Variants in KCNB2 observed in about 807,000 individuals in gnomAD.
KCNB2 encodes the protein delayed rectifier potassium channel protein.
KCNB2 carries 15 observed loss-of-function variants against 61.5 expected under a neutral mutation model. That is an observed-to-expected ratio of 0.24 (90% CI 0.16 to 0.38). KCNB2 has a LOEUF of 0.38. Among genes scored for constraint, KCNB2 ranks in the 10% least tolerant of loss-of-function variants. The pLI, the probability that KCNB2 is intolerant of heterozygous loss-of-function variation, is 1.00. For synonymous variants in KCNB2, 457 were observed against 446.0 expected, an observed-to-expected ratio of 1.02 and a Z score of -0.31; for missense variants, 828 against 1,125.2, an observed-to-expected ratio of 0.74 and a Z score of 3.78.
chr8:72,597,001 CT>C (rs869160203), intron 2 of KCNB2, among the ~76,000 whole-genome samples: 3 of 64,654 alleles, frequency 4.6e-5, no homozygotes, highest in East Asian at 6.3e-4. Context: ...TGCTTGCTTG[CT>C]TTTTTTTTTT....
In KCNB2 at chr8:72,867,133, A is replaced by G. The variant is rs556581605; in HGVS notation, c.580-68802A>G. ...AATAATTAGCCAATGACTTGGAGAT[A>G]TGGGTCAACTGTCCATCCCTTTATA... is the stretch of plus-strand genomic sequence containing the variant. On this transcript the variant is annotated intron_variant, in intron 2 of 2. Coordinates refer to ENST00000523207, the MANE Select transcript of KCNB2 (RefSeq NM_004770.3). Among the ~76,000 whole-genome samples the G allele has an allele frequency of 1.2e-4, 19 of 152,354 alleles. No individual in the cohort carries two copies. The East Asian group carries it at 3.7e-3, about 29-fold the overall frequency.
intron 2 of KCNB2, among the ~76,000 whole-genome samples, chr8:72,848,562 C>G (rs538591277): frequency 6.6e-6 from 1 of 152,192 alleles, no homozygotes; most frequent in African/African-American, 2.4e-5. Flanking sequence ...ACTCTCAATT[C>G]TGTTACTTTT....
At chr8:72,765,987 T>C (rs1808455946) in intron 2 of KCNB2, among the ~76,000 whole-genome samples, 1 of 152,240 alleles carries the variant, frequency 6.6e-6, no homozygotes, top group Non-Finnish European at 1.5e-5. Flanking sequence ...TATTTTTCTC[T>C]TTCATTCTTA....
intron 2 of KCNB2, among the ~76,000 whole-genome samples, chr8:72,768,882 C>T (rs1808513146): frequency 6.6e-6 from 1 of 152,066 alleles, no homozygotes; most frequent in Non-Finnish European, 1.5e-5. Context: ...GTGACATGGC[C>T]TGGCACGGTG....
At chr8:72,727,800 A>T (rs1218772153) in intron 2 of KCNB2, among the ~76,000 whole-genome samples, 3 of 152,212 alleles carry the variant, frequency 2.0e-5, no homozygotes, top group Non-Finnish European at 4.4e-5. Context: ...AACATTGAAG[A>T]TCCTTTATAT....
At chr8:72,683,568 G>A (rs531171885) in intron 2 of KCNB2, among the ~76,000 whole-genome samples, 4 of 152,132 alleles carry the variant, frequency 2.6e-5, no homozygotes, top group African/African-American at 4.8e-5. Flanking sequence ...TCCTTCTACT[G>A]GAAGGAGCTT....
intron 2 of KCNB2, among the ~76,000 whole-genome samples, chr8:72,854,649 A>G (rs1810176131): frequency 6.6e-6 from 1 of 152,140 alleles, no homozygotes; most frequent in African/African-American, 2.4e-5. Context: ...GCTAGGTGCT[A>G]TAAAAATAGT....
intron 2 of KCNB2, among the ~76,000 whole-genome samples, chr8:72,923,748 A>T (rs1057305000): frequency 6.6e-6 from 1 of 152,210 alleles, no homozygotes; most frequent in Non-Finnish European, 1.5e-5. Flanking sequence ...TGGCAATTAC[A>T]TAAGAAAGGA....
intron 2 of KCNB2, among the ~76,000 whole-genome samples, chr8:72,677,372 A>G (rs905268823): frequency 3.3e-5 from 5 of 152,172 alleles, no homozygotes; most frequent in Middle Eastern, 3.2e-3. Context: ...GCACCAAGCC[A>G]TTGTCTTCTC....
intron 2 of KCNB2, among the ~76,000 whole-genome samples, chr8:72,716,586 GA>G (rs1430723175): frequency 6.6e-6 from 1 of 152,148 alleles, no homozygotes; most frequent in Non-Finnish European, 1.5e-5. Context: ...AATAGATGCA[GA>G]AAAGGCCTTT....
rs190073247 is a variant in KCNB2, at chr8:72,885,536, C to T, written c.580-50399C>T. 4.6e-3 allele frequency among the ~76,000 whole-genome samples: 698 copies of T among 152,032 alleles called. 5 individuals are homozygous for T. The highest frequency in any genetic ancestry group is 0.021 in the Middle Eastern group (6 of 290). ...CTCCTTAAGTCATTTTTTAAGTCATCATTTTCTAGGAAATTATACATTTCA... is the reference window on the plus strand; with the variant it reads ...CTCCTTAAGTCATTTTTTAAGTCATTATTTTCTAGGAAATTATACATTTCA... On this transcript the variant is annotated intron_variant, in intron 2 of 2. Coordinates refer to ENST00000523207, the MANE Select transcript of KCNB2 (RefSeq NM_004770.3).
chr8:72,744,315 A>T (rs1238070436), intron 2 of KCNB2, among the ~76,000 whole-genome samples: 1 of 152,168 alleles, frequency 6.6e-6, no homozygotes, highest in African/African-American at 2.4e-5. Flanking sequence ...TGCATTTCCT[A>T]AAAGCCTCAT....
chr8:72,861,690 C>T (rs1022337533), intron 2 of KCNB2, among the ~76,000 whole-genome samples: 1 of 152,184 alleles, frequency 6.6e-6, no homozygotes, highest in African/African-American at 2.4e-5. Context: ...AATTCTCAAT[C>T]GGCCTGCCTG....
chr8:72,689,270 TC>T (rs776043655), intron 2 of KCNB2, among the ~76,000 whole-genome samples: 46 of 152,166 alleles, frequency 3.0e-4, no homozygotes, highest in Non-Finnish European at 1.5e-4. Flanking sequence ...AGGCCCTGTC[TC>T]CAAAACTCAT....
intron 2 of KCNB2, among the ~76,000 whole-genome samples, chr8:72,707,704 A>G (rs1489290897): frequency 6.6e-6 from 1 of 152,222 alleles, no homozygotes; most frequent in Non-Finnish European, 1.5e-5. Flanking sequence ...GAACGTGAGT[A>G]AGGTTTAACG....
intron 2 of KCNB2, among the ~76,000 whole-genome samples, chr8:72,575,247 AC>A (rs1241050183): frequency 2.7e-5 from 2 of 74,750 alleles, no homozygotes; most frequent in Non-Finnish European, 5.6e-5. Flanking sequence ...CTTCTCCCCC[AC>A]CCCCGCCCCA....
At chr8:72,841,299 A>G (rs1809878957) in intron 2 of KCNB2, among the ~76,000 whole-genome samples, 1 of 118,614 alleles carries the variant, frequency 8.4e-6, no homozygotes, top group African/African-American at 3.1e-5. Flanking sequence ...TCTTTTGGTT[A>G]CTATAGCCCT....
chr8:72,674,015 G>A (rs1333160584), intron 2 of KCNB2, among the ~76,000 whole-genome samples: 1 of 152,174 alleles, frequency 6.6e-6, no homozygotes, highest in East Asian at 1.9e-4. Context: ...TAGTTTCATT[G>A]GCATCACATA....
intron 2 of KCNB2, among the ~76,000 whole-genome samples, chr8:72,814,834 A>G (rs544741548): frequency 1.3e-5 from 2 of 152,334 alleles, no homozygotes; most frequent in East Asian, 3.8e-4. Flanking sequence ...ATTGCTTTGA[A>G]TAAATAATGC....
Sources: gnomAD v4.1 joint callset for allele counts (sites outside exome capture counted in the v4.1 genomes callset) on GRCh38, gnomAD v4.1.1 for gene constraint, MANE v1.5 for transcripts, NCBI Gene and HGNC (gene_info 2026-07-23, HGNC 2026-07-21) for gene names.